The following RGS6 variants were observed in gnomAD, a reference collection of about 807,000 sequenced individuals.
The protein encoded by RGS6 is regulator of G-protein signaling 6.
RGS6 carries 30 observed loss-of-function variants against 78.5 expected under a neutral mutation model. The ratio of observed to expected loss-of-function variants is 0.38; its 90% CI spans 0.29 to 0.52. The LOEUF is 0.52. Among genes scored for constraint, RGS6 ranks in the 20% least tolerant of loss-of-function variants. RGS6 has a pLI of 0.85. For synonymous variants in RGS6, 206 were observed against 206.0 expected, an observed-to-expected ratio of 1.00 and a Z score of 0.00; for missense variants, 495 against 609.7, an observed-to-expected ratio of 0.81 and a Z score of 1.98.
rs137992949 is a variant in RGS6, at chr14:72,314,926, G to A, written c.85-37169G>A. 1.2e-4 allele frequency among the ~76,000 whole-genome samples: 19 copies of A among 152,282 alleles called. No individual in the cohort carries two copies. In the East Asian group the frequency reaches 2.5e-3, roughly 20 times the overall value. ...GAAGTTTCGTAGAACTCACTGTAGC[G>A]CATTTAGAAACACACGACCAGAAAT... On this transcript the variant is annotated intron_variant, in intron 2 of 17. Transcript: ENST00000553525.
At chr14:72,058,862 AAGTAGTTAAT>A (rs2093751209) in intron 2 of RGS6, among the ~76,000 whole-genome samples, 1 of 152,174 alleles carries the variant, frequency 6.6e-6, no homozygotes, top group Non-Finnish European at 1.5e-5. Flanking sequence ...ACCATCAAAT[AAGTAGTTAAT>A]TTATATCAGC....
chr14:72,501,960 C>A (rs140795878), intron 13 of RGS6, among the ~76,000 whole-genome samples: 26 of 152,308 alleles, frequency 1.7e-4, no homozygotes, highest in Admixed American at 5.9e-4. Context: ...AGTCAAGCTC[C>A]TTTCTTATGG....
intron 3 of RGS6, among the ~76,000 whole-genome samples, chr14:72,365,423 GA>G (rs1375521656): frequency 6.6e-6 from 1 of 152,238 alleles, no homozygotes; most frequent in African/African-American, 2.4e-5. Context: ...CAGAGTTGAA[GA>G]GATGTGATTT....
At position 72,495,168 on chromosome 14, in the gene RGS6, G is replaced by A. The variant is rs1469222528; in HGVS notation, c.871G>A (p.Glu291Lys). Residue 291 changes from glutamate to lysine, a missense_variant, in exon 13 of 18, where the codon GAA becomes AAA. Physicochemically the swap from Glu to Lys is moderately conservative, Grantham distance 56. Coordinates refer to ENST00000553525, the MANE Select transcript of RGS6 (RefSeq NM_001204424.2). ...KVAESLIAYT[E>K]QYVEYDPLIT... ...CTCCTGCAGTTTAATTGCCTACACGGAACAATATGTGGAATATGACCCTTT... is the reference window on the plus strand; with the variant it reads ...CTCCTGCAGTTTAATTGCCTACACGAAACAATATGTGGAATATGACCCTTT... 1 of 1,612,032 alleles carries A rather than the reference G, an allele frequency of 6.2e-7. No homozygotes were observed. Among genetic ancestry groups the A allele is most frequent in the African/African-American group, 1.3e-5 (1 of 74,834 alleles).
At chr14:71,894,861 G>A in the RGS6 span, among the ~76,000 whole-genome samples, 1 of 150,736 alleles carries the variant, frequency 6.6e-6, no homozygotes, top group Non-Finnish European at 1.5e-5. Flanking sequence ...CTTCACTCTT[G>A]TTGCCCAGGC....
At chr14:71,893,236 A>T in the RGS6 span, among the ~76,000 whole-genome samples, 3 of 152,242 alleles carry the variant, frequency 2.0e-5, no homozygotes, top group African/African-American at 7.2e-5. Context: ...GACTTGCATT[A>T]GAGGGTTTGA....
chr14:71,924,024 T>C, the RGS6 span, among the ~76,000 whole-genome samples: 14 of 152,140 alleles, frequency 9.2e-5, no homozygotes, highest in Non-Finnish European at 1.5e-5. Flanking sequence ...TTCTTCCTAT[T>C]ATTTATTTAT....
At chr14:72,136,653 G>A (rs1470785854) in intron 2 of RGS6, among the ~76,000 whole-genome samples, 4 of 152,174 alleles carry the variant, frequency 2.6e-5, no homozygotes, top group Admixed American at 2.0e-4. Flanking sequence ...CCTCCCACAA[G>A]ACGTGGGAAT....
intron 2 of RGS6, among the ~76,000 whole-genome samples, chr14:72,034,985 A>C (rs2091470773): frequency 6.6e-6 from 1 of 152,196 alleles, no homozygotes; most frequent in South Asian, 2.1e-4. Flanking sequence ...GAGTAGCATG[A>C]TAAAATCTCC....
chr14:72,617,511 T>C, the RGS6 span, among the ~76,000 whole-genome samples: 1 of 152,120 alleles, frequency 6.6e-6, no homozygotes, highest in Non-Finnish European at 1.5e-5. Flanking sequence ...AAGATGAAAA[T>C]TCCATCCGGT....
intron 2 of RGS6, among the ~76,000 whole-genome samples, chr14:71,987,081 G>T (rs2094745584): frequency 6.6e-6 from 1 of 152,144 alleles, no homozygotes; most frequent in South Asian, 2.1e-4. Context: ...TAGGTTTGTG[G>T]GATTAGGGTG....
At chr14:72,551,033 T>C (rs966731403) in intron 17 of RGS6, among the ~76,000 whole-genome samples, 15 of 152,124 alleles carry the variant, frequency 9.9e-5, no homozygotes, top group African/African-American at 3.4e-4. Flanking sequence ...AGAGACGGAG[T>C]TTCACCATGT....
chr14:72,525,250 A>G (rs893423869), intron 15 of RGS6, among the ~76,000 whole-genome samples: 3 of 152,220 alleles, frequency 2.0e-5, no homozygotes, highest in Non-Finnish European at 4.4e-5. Flanking sequence ...ATAGTCAAGA[A>G]AAGCAGGTTA....
At chr14:72,536,343 G>C in intron 16 of RGS6, 68 bp downstream of exon 16, 1 of 1,127,182 alleles carries the variant, frequency 8.9e-7, no homozygotes. Context: ...CTGCTGGTTT[G>C]AAATGAGAAT....
intron 2 of RGS6, among the ~76,000 whole-genome samples, chr14:71,967,128 G>A (rs2093569085): frequency 6.6e-6 from 1 of 151,620 alleles, no homozygotes; most frequent in South Asian, 2.1e-4. Flanking sequence ...TAGTTCTTTA[G>A]AGAAATGACA....
intron 11 of RGS6, among the ~76,000 whole-genome samples, chr14:72,477,872 A>G (rs887146145): frequency 1.3e-5 from 2 of 152,154 alleles, no homozygotes; most frequent in African/African-American, 4.8e-5. Context: ...AAGCATGCCA[A>G]GGACATGGGT....
intron 2 of RGS6, among the ~76,000 whole-genome samples, chr14:72,059,043 A>C (rs1173015765): frequency 6.6e-6 from 1 of 152,066 alleles, no homozygotes; most frequent in Non-Finnish European, 1.5e-5. Flanking sequence ...AGCCGGGACT[A>C]CAGGTGCCAC....
rs372988677 is a variant in RGS6, at chr14:72,441,428, A to T, written c.185-13100A>T. Reference sequence around the variant, plus strand: ...CTAAATATCCAAAGAAAAAAATGGAATTAGGGATCTTAGAAGGAAAGAGTG... The same window carrying T: ...CTAAATATCCAAAGAAAAAAATGGATTTAGGGATCTTAGAAGGAAAGAGTG... On this transcript the variant is annotated intron_variant, in intron 3 of 17. Transcript: ENST00000553525. Among the ~76,000 whole-genome samples, 59 of 152,354 alleles carry T rather than the reference A, an allele frequency of 3.9e-4. No homozygotes were observed. The East Asian group carries it at 6.8e-3, about 17-fold the overall frequency.
At chr14:72,053,124 C>CCTTCCTTCCTTT (rs1470013508) in intron 2 of RGS6, among the ~76,000 whole-genome samples, 1 of 95,956 alleles carries the variant, frequency 1.0e-5, no homozygotes, top group Non-Finnish European at 2.1e-5. Flanking sequence ...TTCCTTCCTT[C>CCTTCCTTCCTTT]CTTCCTTTCT....
Sources: gnomAD v4.1 joint callset for allele counts (sites outside exome capture counted in the v4.1 genomes callset) on GRCh38, gnomAD v4.1.1 for gene constraint, MANE v1.5 for transcripts, NCBI Gene and HGNC (gene_info 2026-07-23, HGNC 2026-07-21) for gene names.